COMMD1: variants seen among roughly 807,000 people sequenced by gnomAD.
COMMD1 encodes COMM domain-containing protein 1.
In COMMD1, 10 loss-of-function variants were observed where a neutral mutation model predicts 17.2. The observed-to-expected ratio is 0.58, with a 90% CI of 0.36 to 0.99. The LOEUF (loss-of-function observed/expected upper bound fraction) is 0.99, where lower values mean the gene tolerates loss of function less well. COMMD1 is among the 50% of genes least tolerant of loss of function. The probability of loss-of-function intolerance (pLI) is 0.01; values close to 1 mark genes in which losing one functional copy is unlikely to be tolerated. For synonymous variants in COMMD1, 97 were observed against 91.6 expected, an observed-to-expected ratio of 1.06 and a Z score of -0.34; for missense variants, 270 against 231.8, an observed-to-expected ratio of 1.17 and a Z score of -1.07.
At chr2:62,047,345 A>C (rs184221723) in intron 2 of COMMD1, among the ~76,000 whole-genome samples, 1 of 152,208 alleles carries the variant, frequency 6.6e-6, no homozygotes, top group African/African-American at 2.4e-5. Flanking sequence ...TATAAATTCT[A>C]CAGTAGTATA....
intron 2 of COMMD1, among the ~76,000 whole-genome samples, chr2:62,014,736 A>G (rs1337353001): frequency 6.6e-6 from 1 of 150,416 alleles, no homozygotes; most frequent in African/African-American, 2.5e-5. Flanking sequence ...TAATTTTTGT[A>G]TTTTTAGTAG....
At chr2:61,910,219 A>G (rs1286929670) in intron 1 of COMMD1, among the ~76,000 whole-genome samples, 2 of 151,944 alleles carry the variant, frequency 1.3e-5, no homozygotes, top group Non-Finnish European at 2.9e-5. Flanking sequence ...GTATTTATAT[A>G]TAAAATATAT....
At chr2:62,025,622 C>T (rs982038026) in intron 2 of COMMD1, among the ~76,000 whole-genome samples, 6 of 152,050 alleles carry the variant, frequency 3.9e-5, no homozygotes, top group East Asian at 1.9e-4. Flanking sequence ...ATACTAATGT[C>T]ATTTGCTTTC....
chr2:62,011,587 A>G (rs1212171519), intron 2 of COMMD1, among the ~76,000 whole-genome samples: 1 of 152,152 alleles, frequency 6.6e-6, no homozygotes, highest in Non-Finnish European at 1.5e-5. Context: ...GAGTGGATAA[A>G]TCACGTAACT....
intron 2 of COMMD1, among the ~76,000 whole-genome samples, chr2:62,019,127 C>CCCTCCCTCCCTT (rs1669541198): frequency 1.6e-5 from 2 of 121,528 alleles, no homozygotes; most frequent in Non-Finnish European, 3.3e-5. Context: ...CTCCCTCCCT[C>CCCTCCCTCCCTT]CCTCCCTTCC....
intron 2 of COMMD1, among the ~76,000 whole-genome samples, chr2:62,048,182 C>CTTTTTT (rs67195629): frequency 7.9e-6 from 1 of 127,250 alleles, no homozygotes; most frequent in Non-Finnish European, 1.6e-5. Context: ...AACTAAATTT[C>CTTTTTT]TTTTTTTTTT....
chr2:62,028,138 T>G (rs1266419805), intron 2 of COMMD1, among the ~76,000 whole-genome samples: 1 of 152,206 alleles, frequency 6.6e-6, no homozygotes, highest in Non-Finnish European at 1.5e-5. Context: ...ACTGCCACCA[T>G]GGAGATTTCT....
intron 1 of COMMD1, among the ~76,000 whole-genome samples, chr2:61,922,631 TTTA>T (rs1670228587): frequency 1.3e-5 from 2 of 152,200 alleles, no homozygotes. Context: ...TTGTGGTAGT[TTTA>T]TTATAAAAAT....
At chr2:62,073,645 T>C (rs1167024084) in intron 2 of COMMD1, among the ~76,000 whole-genome samples, 1 of 152,222 alleles carries the variant, frequency 6.6e-6, no homozygotes, top group Non-Finnish European at 1.5e-5. Context: ...TCTCAGGATC[T>C]CTTGAGACTG....
intron 2 of COMMD1, among the ~76,000 whole-genome samples, chr2:62,005,612 A>T (rs915125306): frequency 1.3e-5 from 2 of 152,266 alleles, no homozygotes; most frequent in African/African-American, 4.8e-5. Flanking sequence ...ATCACTGGCC[A>T]TCCAGAGAAA....
At chr2:62,018,199 T>C (rs1669509007) in intron 2 of COMMD1, among the ~76,000 whole-genome samples, 1 of 152,156 alleles carries the variant, frequency 6.6e-6, no homozygotes, top group African/African-American at 2.4e-5. Context: ...GGCACATGGC[T>C]ACCCAGGGGG....
At chr2:61,898,695 C>T (rs1353083943) in intron 1 of COMMD1, among the ~76,000 whole-genome samples, 1 of 151,968 alleles carries the variant, frequency 6.6e-6, no homozygotes, top group East Asian at 1.9e-4. Flanking sequence ...TTGCCTGGGA[C>T]CAGTTGCTTA....
intron 1 of COMMD1, among the ~76,000 whole-genome samples, chr2:61,889,213 T>C (rs1669352144): frequency 7.7e-6 from 1 of 129,522 alleles, no homozygotes; most frequent in Admixed American, 7.7e-5. Flanking sequence ...TTTTTTTTTT[T>C]TTTTTTTTTT....
Position 62,044,384 on chromosome 2 carries a change from C to A in COMMD1, c.462+43402C>A, listed in dbSNP as rs79318160. ...TTATGTCTGATAACCTAATCTGCCT[C>A]CTGGTTTATCTCTTGCATTTGCTGT... On this transcript the variant is annotated intron_variant, in intron 2 of 2. Transcript: ENST00000311832. Among the ~76,000 whole-genome samples the A allele has an allele frequency of 7.4e-3, 1,127 of 152,244 alleles. 14 individuals carry two copies. The highest frequency in any genetic ancestry group is 0.025 in the African/African-American group (1,019 of 41,530).
At chr2:62,002,491 GAAAAAAAAAAAAAAAAAAA>G (rs11310507) in intron 2 of COMMD1, among the ~76,000 whole-genome samples, 37 of 35,090 alleles carry the variant, frequency 1.1e-3, no homozygotes, top group Middle Eastern at 0.042. Flanking sequence ...GATTCCACCA[GAAAAAAAAAAAAAAAAAAA>G]AAAAAAAAAA....
chr2:61,968,096 G>C lies in COMMD1; in HGVS notation c.181-32605G>C, dbSNP rs1260942040. 2.6e-5 allele frequency among the ~76,000 whole-genome samples: 4 copies of C among 152,300 alleles called. No homozygotes were observed. The East Asian group carries it at 7.7e-4, about 29-fold the overall frequency. ...GAACTGCTTGAACCCAGGAGGCAGA[G>C]GTTGCAGTGAGCCAAGATTGTGCCA... On this transcript the variant is annotated intron_variant, in intron 1 of 2. Transcript: ENST00000311832.
At chr2:61,988,893 A>T (rs1341045488) in intron 1 of COMMD1, among the ~76,000 whole-genome samples, 1 of 152,140 alleles carries the variant, frequency 6.6e-6, no homozygotes, top group Non-Finnish European at 1.5e-5. Context: ...CCCTCTGTGG[A>T]CATTGGCTGA....
chr2:61,939,055 CTTCCTT>C (rs1670670840), intron 1 of COMMD1, among the ~76,000 whole-genome samples: 1 of 152,126 alleles, frequency 6.6e-6, no homozygotes, highest in Non-Finnish European at 1.5e-5. Context: ...TCTCTCTAGA[CTTCCTT>C]TTCTATTAAA....
At chr2:62,083,902 C>T (rs553927943) in intron 2 of COMMD1, among the ~76,000 whole-genome samples, 2 of 152,304 alleles carry the variant, frequency 1.3e-5, no homozygotes, top group South Asian at 2.1e-4. Flanking sequence ...TTTCATGGAG[C>T]AGTGCCTGTC....
Sources: gnomAD v4.1 joint callset for allele counts (sites outside exome capture counted in the v4.1 genomes callset) on GRCh38, gnomAD v4.1.1 for gene constraint, MANE v1.5 for transcripts, NCBI Gene and HGNC (gene_info 2026-07-23, HGNC 2026-07-21) for gene names.